PIK3R4: variants seen among roughly 807,000 people sequenced by gnomAD.
PIK3R4 encodes the protein phosphoinositide-3-kinase regulatory subunit 4.
PIK3R4 carries 46 observed loss-of-function variants against 136.5 expected under a neutral mutation model. The ratio of observed to expected loss-of-function variants is 0.34; its 90% CI spans 0.27 to 0.43. The LOEUF (loss-of-function observed/expected upper bound fraction) is 0.43, where lower values mean the gene tolerates loss of function less well. PIK3R4 is among the 20% of genes least tolerant of loss of function. The probability of loss-of-function intolerance (pLI) is 1.00; values close to 1 mark genes in which losing one functional copy is unlikely to be tolerated. For missense variants in PIK3R4, 1,331 were observed against 1,649.5 expected (o/e 0.81, Z 3.35); for synonymous variants, 557 against 566.7 (o/e 0.98, Z 0.24).
At chr3:130,684,199 G>A (rs954692904) in intron 16 of PIK3R4, 51 bp downstream of exon 16, 3 of 1,552,528 alleles carry the variant, frequency 1.9e-6, no homozygotes, top group Non-Finnish European at 2.7e-6. Flanking sequence ...AGGTTATTAT[G>A]TACTTTCCAA....
chr3:130,703,873 C>G lies in PIK3R4; in HGVS notation c.2948G>C (p.Gly983Ala). The change falls in exon 13 of 20, where the codon GGG (glycine) becomes GCG (alanine). Residue 983 changes from glycine to alanine, a missense_variant. Gly to Ala is a moderately conservative substitution (Grantham distance 60). Transcript: ENST00000356763. ...KPPPPGWRPK[G>A]LLVAHLHEHK... is the part of the protein sequence containing the mutation. ...CTCATGAAGATGGGCAACTAACAGC[C>G]CTTTAGGACGCCATCCTAAGGAAAA... 6.2e-7 allele frequency: 1 copy of G among 1,610,670 alleles called. No individual in the cohort carries two copies. Among genetic ancestry groups the G allele is most frequent in the Admixed American group, 1.7e-5 (1 of 59,696 alleles).
At position 130,733,776 on chromosome 3, in the gene PIK3R4, T is replaced by C. The variant is rs1302887841; in HGVS notation, c.1222A>G (p.Arg408Gly). The change falls in exon 4 of 20, where the codon AGA becomes GGA. Residue 408 changes from arginine to glycine, a missense_variant. By Grantham distance (125) the Arg-to-Gly change is moderately radical. Around this residue, in one of 2 missense-constraint regions of PIK3R4, gnomAD observed 1,180 missense variants for 1,407.0 expected, o/e 0.84. Coordinates refer to ENST00000356763, the MANE Select transcript of PIK3R4 (RefSeq NM_014602.3). ...ALELILHLAPRLSVEILLDRI... is the reference protein window; with the variant it reads ...ALELILHLAPGLSVEILLDRI... ...TCCAAAAGGATTTCAACACTTAATC[T>C]TGGAGCCAAATGAAGAATCAGTTCC... The C allele has an allele frequency of 1.2e-6, 2 of 1,614,078 alleles. No homozygotes were observed. Among genetic ancestry groups the C allele is most frequent in the Non-Finnish European group, 1.7e-6 (2 of 1,180,014 alleles).
chr3:130,679,219 GAAAATTAAGC>G lies in PIK3R4; in HGVS notation c.*86_*95del. The G allele has an allele frequency of 1.4e-6, 1 of 735,226 alleles. No individual in the cohort carries two copies. Among genetic ancestry groups the G allele is most frequent in the Non-Finnish European group, 2.0e-6 (1 of 498,236 alleles). 45.5% of individuals were successfully genotyped at this position (735,226 alleles called of 1,614,324 possible). The stretch of plus-strand genomic sequence containing the variant: ...AACAGTAATATGGAGACATAATTTT[GAAAATTAAGC>G]AAATGAATCTGTTCTCTAGAAATGC... On this transcript the variant is annotated 3_prime_UTR_variant, in exon 20 of 20. Transcript: ENST00000356763.
At chr3:130,693,482 T>C (rs372862851) in intron 13 of PIK3R4, among the ~76,000 whole-genome samples, 6 of 152,186 alleles carry the variant, frequency 3.9e-5, no homozygotes, top group Non-Finnish European at 5.9e-5. Context: ...TTTTTTACTA[T>C]AGCCATTGTA....
chr3:130,701,838 T>C (rs946781147), intron 13 of PIK3R4, among the ~76,000 whole-genome samples: 2 of 151,926 alleles, frequency 1.3e-5, no homozygotes, highest in African/African-American at 4.8e-5. Flanking sequence ...TTTGAAATCA[T>C]TAAAAAAAAA....
chr3:130,733,518 G>A (rs2107619551), intron 4 of PIK3R4, 30 bp downstream of exon 4: 1 of 1,414,696 alleles, frequency 7.1e-7, no homozygotes, highest in Non-Finnish European at 9.9e-7. Context: ...AAATATCTAA[G>A]TGGCTAATAT....
intron 16 of PIK3R4, 81 bp from the exon 17 acceptor site, chr3:130,681,672 G>A: frequency 1.3e-6 from 1 of 763,702 alleles, no homozygotes; most frequent in Non-Finnish European, 2.2e-6. Flanking sequence ...GCAGTCCTGA[G>A]AGAAAGAAAG....
chr3:130,703,322 CCT>C (rs1037956951), intron 13 of PIK3R4, among the ~76,000 whole-genome samples: 65 of 152,180 alleles, frequency 4.3e-4, no homozygotes, highest in Admixed American at 1.9e-3. Context: ...CTTTGAAATG[CCT>C]GTTTCCTCTG....
At chr3:130,719,207 G>A (rs543239096) in intron 7 of PIK3R4, among the ~76,000 whole-genome samples, 3 of 152,024 alleles carry the variant, frequency 2.0e-5, no homozygotes, top group East Asian at 1.9e-4. Context: ...ACCTTTTAAC[G>A]ATTTTATGTA....
intron 9 of PIK3R4, among the ~76,000 whole-genome samples, chr3:130,710,560 A>T (rs1251410651): frequency 6.6e-6 from 1 of 152,168 alleles, no homozygotes; most frequent in Admixed American, 6.5e-5. Context: ...ACTATACTAA[A>T]TATCCTAGTC....
At position 130,679,386 on chromosome 3, in the gene PIK3R4, C is replaced by T. The variant is rs758913806; in HGVS notation, c.4006G>A (p.Ala1336Thr). The stretch of plus-strand genomic sequence containing the variant: ...AAGCCCTGTGTGGTCTGGAATGTGG[C>T]GACATCAGTGATGATGTCATGATGT... ...VGHHDIITDV[A>T]TFQTTQGFIV... Residue 1336 changes from alanine to threonine, a missense_variant, in exon 20 of 20, where the codon GCC (alanine) becomes ACC (threonine). By Grantham distance (58) the Ala-to-Thr change is moderately conservative. Around this residue, in one of 2 missense-constraint regions of PIK3R4, gnomAD observed 1,180 missense variants for 1,407.0 expected, o/e 0.84. Transcript: ENST00000356763. 59 of 1,611,984 alleles carry T rather than the reference C, an allele frequency of 3.7e-5. No homozygotes were observed. Among genetic ancestry groups the T allele is most frequent in the Admixed American group, 5.0e-5 (3 of 59,990 alleles).
At chr3:130,682,584 G>A (rs541472297) in intron 16 of PIK3R4, among the ~76,000 whole-genome samples, 1 of 152,238 alleles carries the variant, frequency 6.6e-6, no homozygotes, top group African/African-American at 2.4e-5. Flanking sequence ...CAGGCTGGTT[G>A]TATCCCTCAT....
At chr3:130,688,197 C>T (rs1281435619) in intron 14 of PIK3R4, among the ~76,000 whole-genome samples, 1 of 152,152 alleles carries the variant, frequency 6.6e-6, no homozygotes, top group African/African-American at 2.4e-5. Flanking sequence ...AAACCTGGCT[C>T]TCATAACTAC....
chr3:130,690,780 AAAAC>A, intron 13 of PIK3R4, 126 bp from the exon 14 acceptor site: 1 of 581,970 alleles, frequency 1.7e-6, no homozygotes, highest in Non-Finnish European at 2.9e-6. Flanking sequence ...TCTCAGGACA[AAAAC>A]AAGAATTTCC....
intron 12 of PIK3R4, among the ~76,000 whole-genome samples, chr3:130,704,802 T>C (rs996027472): frequency 8.6e-5 from 13 of 151,962 alleles, no homozygotes; most frequent in African/African-American, 2.7e-4. Context: ...TTAGAGGTGA[T>C]GTTGTTTTCT....
chr3:130,730,533 A>C, intron 4 of PIK3R4, 91 bp from the exon 5 acceptor site: 1 of 895,204 alleles, frequency 1.1e-6, no homozygotes, highest in Non-Finnish European at 1.6e-6. Context: ...ATACATAAAT[A>C]ATCATAAGCC....
chr3:130,712,942 A>G (rs1353864631), intron 9 of PIK3R4, among the ~76,000 whole-genome samples: 1 of 152,198 alleles, frequency 6.6e-6, no homozygotes, highest in African/African-American at 2.4e-5. Flanking sequence ...GTAGGAGTGT[A>G]GGCTTTGGAA....
At chr3:130,726,963 C>G (rs1442004229) in intron 6 of PIK3R4, among the ~76,000 whole-genome samples, 1 of 151,926 alleles carries the variant, frequency 6.6e-6, no homozygotes, top group Non-Finnish European at 1.5e-5. Flanking sequence ...AGATGGAAGG[C>G]TAAGATGCAT....
At chr3:130,722,855 G>C (rs544425263) in intron 7 of PIK3R4, among the ~76,000 whole-genome samples, 22 of 147,620 alleles carry the variant, frequency 1.5e-4, no homozygotes, top group Admixed American at 9.5e-4. Flanking sequence ...AGGAGTTCAA[G>C]ACCAGCCTGG....
Sources: gnomAD v4.1 joint callset for allele counts (sites outside exome capture counted in the v4.1 genomes callset) on GRCh38, gnomAD v4.1.1 for gene constraint, gnomAD v4.1.1 regional missense constraint, MANE v1.5 for transcripts, NCBI Gene and HGNC (gene_info 2026-07-23, HGNC 2026-07-21) for gene names.